DMWD: variants seen among roughly 807,000 people sequenced by gnomAD.
The protein encoded by DMWD is dystrophia myotonica WD repeat-containing protein.
Under a neutral mutation model 45.8 loss-of-function variants are expected in DMWD, and 19 were observed. The observed-to-expected ratio is 0.41, with a 90% CI of 0.29 to 0.61. DMWD has a LOEUF of 0.61. Ranked by LOEUF, DMWD falls within the 20% of genes least tolerant of loss-of-function variation. The probability of loss-of-function intolerance (pLI) is 0.25; values close to 1 mark genes in which losing one functional copy is unlikely to be tolerated. For missense variants in DMWD, 802 were observed against 965.2 expected (o/e 0.83, Z 2.24); for synonymous variants, 515 against 440.5 (o/e 1.17, Z -2.12).
At chr19:45,792,077 T>C (rs1021803536) in intron 1 of DMWD, among the ~76,000 whole-genome samples, 1 of 152,050 alleles carries the variant, frequency 6.6e-6, no homozygotes, top group South Asian at 2.1e-4. Context: ...CCAGAACTCC[T>C]ACGCATAACG....
At chr19:45,791,732 G>T (rs1970358882) in intron 1 of DMWD, among the ~76,000 whole-genome samples, 1 of 152,002 alleles carries the variant, frequency 6.6e-6, no homozygotes, top group African/African-American at 2.4e-5. Flanking sequence ...CCCTGCCAGG[G>T]CCTCTCATTC....
At chr19:45,785,303 C>T (rs1970255331) in intron 3 of DMWD, 1 of 1,191,084 alleles carries the variant, frequency 8.4e-7, no homozygotes, top group South Asian at 4.0e-5. Context: ...GCAGTAAGAC[C>T]TGGCCATGTG....
Position 45,792,435 on chromosome 19 carries a change from C to G in DMWD, c.322G>C (p.Gly108Arg). ...LVRLGEPDSA[G>R]AGEPPATPAG... ...GGCGTGGCGGGCGGCTCCCCGGCCC[C>G]GGCGCTGTCCGGCTCCCCGAGGCGC... The change falls in exon 1 of 5, where the codon GGG (glycine) becomes CGG (arginine). Residue 108 changes from glycine to arginine, a missense_variant. Physicochemically the swap from Gly to Arg is moderately radical, Grantham distance 125. Around this residue, in one of 9 missense-constraint regions of DMWD, gnomAD observed 82 missense variants for 92.9 expected, o/e 0.88. Transcript: ENST00000270223. 1.3e-6 allele frequency: 2 copies of G among 1,525,214 alleles called. No individual in the cohort carries two copies. Among genetic ancestry groups the G allele is most frequent in the Non-Finnish European group, 1.8e-6 (2 of 1,134,926 alleles). The allele number at this position is 1,525,214 out of a possible 1,614,324, so 94.5% of individuals were successfully genotyped here.
rs374601919 is a variant in DMWD at position 45,792,281 on chromosome 19, T to C, written c.441+35A>G. 2.3e-5 allele frequency: 36 copies of C among 1,590,258 alleles called. No individual in the cohort carries two copies. The African/African-American group carries it at 4.7e-4, about 21-fold the overall frequency. On this transcript the variant is annotated intron_variant, in intron 1 of 4. Coordinates refer to ENST00000270223, the MANE Select transcript of DMWD (RefSeq NM_004943.2). ...TCAGTTCTCTGGAACCTCCATCCTTTCAGCACCCAGGGCCCCACGATGCAG... is the reference window on the plus strand; with the variant it reads ...TCAGTTCTCTGGAACCTCCATCCTTCCAGCACCCAGGGCCCCACGATGCAG...
Position 45,786,225 on chromosome 19 carries a change from G to C in DMWD, c.1271C>G (p.Ala424Gly), listed in dbSNP as rs1222182628. Residue 424 changes from alanine to glycine, a missense_variant, in exon 3 of 5, where the codon GCT (alanine) becomes GGT (glycine). Transcript: ENST00000270223. ...GCCAAAGCGGTAAGTAATGGAGCCAGCCTTGGGCAGTGGAGAGAGCGGGGC... is the reference window on the plus strand; with the variant it reads ...GCCAAAGCGGTAAGTAATGGAGCCACCCTTGGGCAGTGGAGAGAGCGGGGC... The part of the protein sequence containing the change: ...GGAPLSPLPK[A>G]GSITYRFGSA... The C allele has an allele frequency of 1.2e-6, 2 of 1,611,204 alleles. No individual in the cohort carries two copies. Among genetic ancestry groups the C allele is most frequent in the African/African-American group, 2.7e-5 (2 of 74,912 alleles).
intron 2 of DMWD, chr19:45,790,642 G>C: frequency 3.5e-6 from 1 of 286,050 alleles, no homozygotes. Context: ...GACAGGGTGA[G>C]ACTCCATCTC....
rs1436677718 is a variant in DMWD at position 45,787,137 on chromosome 19, G to C, written c.625-266C>G. 1.2e-5 allele frequency: 7 copies of C among 577,194 alleles called. No homozygotes were observed. In the Admixed American group the frequency reaches 1.9e-4, roughly 15 times the overall value. 35.8% of individuals were successfully genotyped at this position (577,194 alleles called of 1,614,324 possible). ...GCCTCGATGTCCCATCTTTGGCGAGGGGACAGTCCTGCTTGCCACAGAATT... is the reference window on the plus strand; with the variant it reads ...GCCTCGATGTCCCATCTTTGGCGAGCGGACAGTCCTGCTTGCCACAGAATT... On this transcript the variant is annotated intron_variant, in intron 2 of 4. Coordinates refer to ENST00000270223, the MANE Select transcript of DMWD (RefSeq NM_004943.2).
In DMWD at chr19:45,785,978, G is replaced by A. The variant is rs756129753; in HGVS notation, c.1518C>T (p.Gly506=). The A allele has an allele frequency of 3.1e-5, 48 of 1,569,172 alleles. No individual in the cohort carries two copies. The highest frequency in any genetic ancestry group is 3.7e-5 in the Non-Finnish European group (43 of 1,159,378). The change falls in exon 3 of 5, where the codon GGC becomes GGT. Residue 506 remains glycine, a synonymous_variant. Transcript: ENST00000270223. ...LPHPAGGGKA[G]GPGVAAEPGT... ...CAGGCTCTGCCGCCACACCCGGGCC[G>A]CCCGCCTTGCCCCCGCCAGCTGGGT...
chr19:45,791,175 A>T (rs1970352818), intron 1 of DMWD, 88 bp from the exon 2 acceptor site: 1 of 1,388,022 alleles, frequency 7.2e-7, no homozygotes, highest in East Asian at 2.3e-5. Context: ...CACTAAGAGG[A>T]AGCAGGGTTA....
At chr19:45,787,510 TG>T (rs1970297751) in intron 2 of DMWD, among the ~76,000 whole-genome samples, 1 of 152,190 alleles carries the variant, frequency 6.6e-6, no homozygotes, top group Non-Finnish European at 1.5e-5. Context: ...CCACTGTATC[TG>T]TCTAACCCTC....
Position 45,792,842 on chromosome 19 carries a change from AGG to A in DMWD, c.-88_-87del. On this transcript the variant is annotated 5_prime_UTR_variant, in exon 1 of 5. Transcript: ENST00000270223. ...GGAAGCCGCTGGCCCGCGCCGGAAA[AGG>A]TGGGGTCGTCGCCCGGGCAACGCCT... is the stretch of plus-strand genomic sequence containing the variant. The A allele has an allele frequency of 9.5e-7, 1 of 1,049,782 alleles. No individual in the cohort carries two copies. Among genetic ancestry groups the A allele is most frequent in the Non-Finnish European group, 1.1e-6 (1 of 871,718 alleles). The allele number at this position is 1,049,782 out of a possible 1,614,324, so 65.0% of individuals were successfully genotyped here.
Position 45,784,728 on chromosome 19 carries a change from A to T in DMWD, c.1903-13T>A. Reference sequence around the variant, plus strand: ...CCTCGTCTGTGAACTACGGAGACAGAGGGGTCTCTTTTAGGACTCAACCAG... The same window carrying T: ...CCTCGTCTGTGAACTACGGAGACAGTGGGGTCTCTTTTAGGACTCAACCAG... On this transcript the variant is annotated splice_polypyrimidine_tract_variant and intron_variant, in intron 3 of 4. Transcript: ENST00000270223. 1.2e-6 allele frequency: 2 copies of T among 1,612,862 alleles called. No homozygotes were observed. The highest frequency in any genetic ancestry group is 1.7e-6 in the Non-Finnish European group (2 of 1,179,338).
Position 45,788,874 on chromosome 19 carries a change from A to T in DMWD, c.625-2003T>A, listed in dbSNP as rs149247676. Among the ~76,000 whole-genome samples the T allele has an allele frequency of 3.3e-3, 498 of 151,902 alleles. 3 individuals carry two copies. The highest frequency in any genetic ancestry group is 0.012 in the African/African-American group (480 of 41,388). ...AGCCTGGGAGGCGGAGGTTGCAGTG[A>T]ACGAAGATCGTACCACTGCACTCCA... On this transcript the variant is annotated intron_variant, in intron 2 of 4. Transcript: ENST00000270223.
At chr19:45,791,893 G>A (rs1410782385) in intron 1 of DMWD, among the ~76,000 whole-genome samples, 1 of 151,828 alleles carries the variant, frequency 6.6e-6, no homozygotes, top group East Asian at 1.9e-4. Flanking sequence ...CTCATTCCTG[G>A]GCTCAATCTC....
chr19:45,784,162 C>G lies in DMWD; in HGVS notation c.*81G>C. ...TCCATCATGGTTAGTCTTGTTAATA[C>G]GTTGATCTGTGAGGTCAGCAGGGAG... On this transcript the variant is annotated 3_prime_UTR_variant, in exon 5 of 5. Coordinates refer to ENST00000270223, the MANE Select transcript of DMWD (RefSeq NM_004943.2). 1 of 1,278,168 alleles carries G rather than the reference C, an allele frequency of 7.8e-7. No individual in the cohort carries two copies. The highest frequency in any genetic ancestry group is 1.1e-6 in the Non-Finnish European group (1 of 892,150). 79.2% of individuals were successfully genotyped at this position (1,278,168 alleles called of 1,614,324 possible). A position where few individuals can be genotyped will look rare whatever the true frequency, so the allele number is the denominator to read the frequency against.
At position 45,790,977 on chromosome 19, in the gene DMWD, C is replaced by T. The variant is rs148167997; in HGVS notation, c.552G>A (p.Val184=). 1 of 1,613,886 alleles carries T rather than the reference C, an allele frequency of 6.2e-7. No individual in the cohort carries two copies. The highest frequency in any genetic ancestry group is 1.3e-5 in the African/African-American group (1 of 74,946). ...ACTGCACTTGACCCGCTGAGAAGCC[C>T]ACCAGCAGCGAGATGGTCTCGGTGG... ...TAATETISLL[V]GFSAGQVQYL... Residue 184 remains valine (V), a synonymous_variant, in exon 2 of 5, where the codon GTG becomes GTA. Transcript: ENST00000270223.
intron 2 of DMWD, among the ~76,000 whole-genome samples, chr19:45,788,356 C>T (rs1368094943): frequency 1.3e-5 from 2 of 152,224 alleles, no homozygotes; most frequent in East Asian, 3.9e-4. Context: ...GCTGCTCTCC[C>T]AGGATGAGGT....
chr19:45,787,514 T>C, intron 2 of DMWD, among the ~76,000 whole-genome samples: 1 of 152,168 alleles, frequency 6.6e-6, no homozygotes, highest in African/African-American at 2.4e-5. Context: ...TGTATCTGTC[T>C]AACCCTCCCC....
chr19:45,785,782 G>C lies in DMWD; in HGVS notation c.1714C>G (p.Arg572Gly). The change falls in exon 3 of 5, where the codon CGC (arginine) becomes GGC (glycine). Residue 572 changes from arginine (R) to glycine (G), a missense_variant. Physicochemically the swap from Arg to Gly is moderately radical, Grantham distance 125. Transcript: ENST00000270223. ...EKPSGPVPRS[R>G]LDPAKVLGTA... ...CCCAGCACCTTGGCGGGGTCCAGGC[G>C]GCTGCGGGGAACAGGGCCGCTGGGC... 1 of 1,611,776 alleles carries C rather than the reference G, an allele frequency of 6.2e-7. No homozygotes were observed. Among genetic ancestry groups the C allele is most frequent in the Non-Finnish European group, 8.5e-7 (1 of 1,179,320 alleles).
Sources: allele counts gnomAD v4.1 joint callset (sites outside exome capture counted in the v4.1 genomes callset), GRCh38; gene constraint gnomAD v4.1.1; regional missense constraint gnomAD v4.1.1; transcripts MANE v1.5; gene names NCBI Gene and HGNC (gene_info 2026-07-23, HGNC 2026-07-21).